Variants in TBCD observed in about 807,000 individuals in gnomAD.
TBCD encodes the protein tubulin folding cofactor D, also known as tubulin-specific chaperone D.
Under a neutral mutation model 169.3 loss-of-function variants are expected in TBCD, and 105 were observed. The observed-to-expected ratio is 0.62, with a 90% CI of 0.53 to 0.73. The LOEUF (loss-of-function observed/expected upper bound fraction) is 0.73, where lower values mean the gene tolerates loss of function less well. Among genes scored for constraint, TBCD ranks in the 30% least tolerant of loss-of-function variants. The pLI is 0.00. For missense variants in TBCD, 1,444 were observed against 1,600.1 expected (o/e 0.90, Z 1.66); for synonymous variants, 700 against 643.9 (o/e 1.09, Z -1.32).
At chr17:82,862,004 C>T (rs1364442482) in intron 13 of TBCD, among the ~76,000 whole-genome samples, 2 of 151,722 alleles carry the variant, frequency 1.3e-5, no homozygotes, top group African/African-American at 2.4e-5. Flanking sequence ...CTCACTGCAA[C>T]CTCCGCCTCC....
Position 82,835,855 on chromosome 17 carries a change from T to G in TBCD, c.1318+20921T>G, listed in dbSNP as rs1296042195. On this transcript the variant is annotated intron_variant, in intron 13 of 38. Transcript: ENST00000355528. This position sits in a 1 kb window ranked among gnomAD's most constrained non-coding sequence, Gnocchi z 4.5. The stretch of plus-strand genomic sequence containing the variant: ...GGGTAGAAAAGGGGCTCTGCTGACC[T>G]GCCACCTTCGCTGTGATGAGTTTCT... Among the ~76,000 whole-genome samples the G allele has an allele frequency of 6.6e-6, 1 of 152,242 alleles. No homozygotes were observed. The highest frequency in any genetic ancestry group is 1.5e-5 in the Non-Finnish European group (1 of 68,044).
At position 82,912,572 on chromosome 17, in the gene TBCD, C is replaced by CTGTGAG. The variant is rs1398226154; in HGVS notation, c.2038+794_2038+799dup. Among the ~76,000 whole-genome samples the CTGTGAG allele has an allele frequency of 3.9e-5, 6 of 152,284 alleles. No homozygotes were observed. In the East Asian group the frequency reaches 7.7e-4, roughly 20 times the overall value. ...CCACCCTCAGCCCCTCGCTGTGGGA[C>CTGTGAG]TGTGAGTGTGAGTGTGGAGGCACAG... is the stretch of plus-strand genomic sequence containing the variant. On this transcript the variant is annotated intron_variant, in intron 23 of 38. Transcript: ENST00000355528.
intron 11 of TBCD, 98 bp downstream of exon 11, chr17:82,807,766 G>A (rs1057063813): frequency 1.9e-5 from 18 of 968,170 alleles, no homozygotes; most frequent in African/African-American, 5.1e-5. Flanking sequence ...GAGTGGCAGC[G>A]CGGCCCCCTC....
intron 27 of TBCD, 94 bp from the exon 28 acceptor site, chr17:82,926,306 G>A (rs1420705805): frequency 2.3e-5 from 27 of 1,168,470 alleles, no homozygotes; most frequent in Middle Eastern, 3.8e-4. Flanking sequence ...CTCATGGTGT[G>A]GGGTCTGTGG....
intron 6 of TBCD, among the ~76,000 whole-genome samples, chr17:82,777,723 G>A (rs1258700367): frequency 6.6e-6 from 1 of 152,260 alleles, no homozygotes; most frequent in East Asian, 1.9e-4. Context: ...CTAGGAGCGT[G>A]ACCACTGAAG....
chr17:82,856,205 G>T (rs1384667924), intron 13 of TBCD, among the ~76,000 whole-genome samples: 1 of 151,680 alleles, frequency 6.6e-6, no homozygotes, highest in East Asian at 1.9e-4. Flanking sequence ...AAACTCACCA[G>T]CTTAAAATCA....
chr17:82,906,424 T>G (rs2060256183), intron 20 of TBCD, among the ~76,000 whole-genome samples: 1 of 152,258 alleles, frequency 6.6e-6, no homozygotes, highest in Non-Finnish European at 1.5e-5. Flanking sequence ...ACTTGCATGT[T>G]CAGTATCCTT....
intron 27 of TBCD, 120 bp downstream of exon 27, chr17:82,925,177 G>C: frequency 1.2e-6 from 1 of 827,584 alleles, no homozygotes; most frequent in Non-Finnish European, 1.8e-6. Flanking sequence ...CTGGGAGGGG[G>C]TTCCTGGAAA....
intron 6 of TBCD, among the ~76,000 whole-genome samples, chr17:82,776,978 G>T (rs1325528239): frequency 1.3e-5 from 2 of 152,140 alleles, no homozygotes; most frequent in African/African-American, 4.8e-5. Flanking sequence ...TGGGCTCCTT[G>T]GGGCCTTTTC....
intron 11 of TBCD, among the ~76,000 whole-genome samples, chr17:82,808,284 A>G (rs1215761059): frequency 1.3e-3 from 164 of 123,460 alleles, no homozygotes; most frequent in East Asian, 2.3e-3. Flanking sequence ...GCTGTGGAGG[A>G]GAGGAGGCAG....
chr17:82,941,367 C>T lies in TBCD; in HGVS notation c.3480-32C>T, dbSNP rs150178222. Reference sequence around the variant, plus strand: ...CACCTGAGGTTCTCCGGTGGGCACTCGAGAGACTCACGGCTCTCCCTCTCC... The same window carrying T: ...CACCTGAGGTTCTCCGGTGGGCACTTGAGAGACTCACGGCTCTCCCTCTCC... On this transcript the variant is annotated intron_variant, in intron 37 of 38. Transcript: ENST00000355528. 2,296 of 1,546,864 alleles carry T rather than the reference C, an allele frequency of 1.5e-3. 5 individuals carry two copies. The highest frequency in any genetic ancestry group is 1.7e-3 in the Non-Finnish European group (1,923 of 1,148,996).
At chr17:82,907,014 A>C (rs1190097703) in intron 20 of TBCD, among the ~76,000 whole-genome samples, 1 of 152,212 alleles carries the variant, frequency 6.6e-6, no homozygotes, top group African/African-American at 2.4e-5. Context: ...CACACCTGTG[A>C]GGTGTCTATC....
intron 8 of TBCD, among the ~76,000 whole-genome samples, chr17:82,800,265 C>T (rs552363730): frequency 1.2e-4 from 18 of 152,312 alleles, no homozygotes; most frequent in African/African-American, 2.6e-4. Context: ...AGCACCCGGG[C>T]GTCTCCTGCT....
At chr17:82,848,499 C>T (rs113199882) in intron 13 of TBCD, among the ~76,000 whole-genome samples, 3,356 of 152,288 alleles carry the variant, frequency 0.022, 145 homozygotes, top group African/African-American at 0.077. Flanking sequence ...TCTTACGCTT[C>T]GGCATTCTCA....
chr17:82,870,413 C>T, intron 14 of TBCD, 33 bp downstream of exon 14: 1 of 1,600,998 alleles, frequency 6.2e-7, no homozygotes, highest in South Asian at 1.1e-5. Context: ...ATCGGATGCG[C>T]CGTGCCCCCT....
Position 82,942,460 on chromosome 17 carries a change from C to T in TBCD, c.3576C>T (p.Cys1192=), listed in dbSNP as rs754683531. 2.5e-6 allele frequency: 4 copies of T among 1,613,994 alleles called. No homozygotes were observed. The highest frequency in any genetic ancestry group is 8.5e-7 in the Non-Finnish European group (1 of 1,179,892). ...RPQLVPQPGA[C] ...TGTCTCTTCTTCAGCCTGGTGCCTG[C>T]TGAAGCCAGTCCTGGAGCCCATACC... is the stretch of plus-strand genomic sequence containing the variant. The change falls in exon 39 of 39, where the codon TGC becomes TGT. Residue 1192 remains cysteine, a synonymous_variant. Transcript: ENST00000355528.
At chr17:82,811,340 G>A (rs138345051) in intron 12 of TBCD, among the ~76,000 whole-genome samples, 1 of 152,378 alleles carries the variant, frequency 6.6e-6, no homozygotes, top group African/African-American at 2.4e-5. Flanking sequence ...CCTCCACAAC[G>A]TGCAGCCTCT....
At chr17:82,853,360 G>A (rs2055967960) in intron 13 of TBCD, among the ~76,000 whole-genome samples, 2 of 151,306 alleles carry the variant, frequency 1.3e-5, no homozygotes, top group Non-Finnish European at 2.9e-5. Flanking sequence ...AAGGTGCTGG[G>A]ATTACAGGCT....
chr17:82,928,342 G>T (rs2061929122), intron 30 of TBCD, among the ~76,000 whole-genome samples: 1 of 152,224 alleles, frequency 6.6e-6, no homozygotes. Flanking sequence ...GAACCTGGGG[G>T]TCTGCTCCTG....
Sources: allele counts gnomAD v4.1 joint callset (sites outside exome capture counted in the v4.1 genomes callset), GRCh38; gene constraint gnomAD v4.1.1; non-coding constraint Gnocchi (gnomAD v3.1); transcripts MANE v1.5; gene names NCBI Gene and HGNC (gene_info 2026-07-23, HGNC 2026-07-21).